B3GALT1: variants seen among roughly 807,000 people sequenced by gnomAD.
The protein encoded by B3GALT1 is UDP-Gal:betaGlcNAc beta 1,3-galactosyltransferase, polypeptide 1.
In B3GALT1, 10 loss-of-function variants were observed where a neutral mutation model predicts 23.2. The ratio of observed to expected loss-of-function variants is 0.43; its 90% CI spans 0.27 to 0.73. B3GALT1 has a LOEUF of 0.73. Ranked by LOEUF, B3GALT1 falls within the 30% of genes least tolerant of loss-of-function variation. B3GALT1 has a pLI of 0.21. For synonymous variants in B3GALT1, 156 were observed against 141.5 expected, an observed-to-expected ratio of 1.10 and a Z score of -0.73; for missense variants, 299 against 405.4, an observed-to-expected ratio of 0.74 and a Z score of 2.25.
intron 3 of B3GALT1, among the ~76,000 whole-genome samples, chr2:167,798,789 A>C (rs542158687): frequency 6.6e-6 from 1 of 152,256 alleles, no homozygotes; most frequent in South Asian, 2.1e-4. Flanking sequence ...TTGCAGGAAC[A>C]TTTTCAAGAG....
intron 2 of B3GALT1, among the ~76,000 whole-genome samples, chr2:167,561,382 C>G (rs1362213184): frequency 6.6e-6 from 1 of 152,028 alleles, no homozygotes; most frequent in Non-Finnish European, 1.5e-5. Context: ...ACCCTAACAT[C>G]ACAATTAAAA....
intron 1 of B3GALT1, among the ~76,000 whole-genome samples, chr2:167,398,102 C>A (rs1235293361): frequency 1.3e-5 from 2 of 152,074 alleles, no homozygotes; most frequent in Admixed American, 1.3e-4. Context: ...ATTCACTGGC[C>A]TATATCTTAT....
At chr2:167,514,056 A>G (rs1288365334) in intron 2 of B3GALT1, among the ~76,000 whole-genome samples, 1 of 152,018 alleles carries the variant, frequency 6.6e-6, no homozygotes, top group East Asian at 1.9e-4. Flanking sequence ...ACAGGCGCCC[A>G]CCACCACGCC....
Position 167,435,983 on chromosome 2 carries a change from G to A in B3GALT1, c.-510-54194G>A, listed in dbSNP as rs200546646. Among the ~76,000 whole-genome samples the A allele has an allele frequency of 7.1e-3, 987 of 139,176 alleles. 11 individuals carry two copies. The highest frequency in any genetic ancestry group is 0.021 in the African/African-American group (795 of 37,408). 91.3% of individuals were successfully genotyped at this position (139,176 alleles called of 152,430 possible). ...CACACACACACACACACACACACACGCACACACACACACGCACTAGTCCAA... is the reference window on the plus strand; with the variant it reads ...CACACACACACACACACACACACACACACACACACACACGCACTAGTCCAA... On this transcript the variant is annotated intron_variant, in intron 1 of 4. Transcript: ENST00000392690.
At chr2:167,441,605 A>G (rs1698894705) in intron 1 of B3GALT1, among the ~76,000 whole-genome samples, 1 of 152,210 alleles carries the variant, frequency 6.6e-6, no homozygotes, top group African/African-American at 2.4e-5. Context: ...TTCCTTAACC[A>G]TTACTATACT....
intron 2 of B3GALT1, among the ~76,000 whole-genome samples, chr2:167,522,738 T>C (rs1406828781): frequency 6.6e-6 from 1 of 152,198 alleles, no homozygotes; most frequent in Non-Finnish European, 1.5e-5. Context: ...GAAGTCCCTA[T>C]CTAACCTTCC....
At chr2:167,706,852 G>A (rs1359847477) in intron 3 of B3GALT1, among the ~76,000 whole-genome samples, 2 of 152,150 alleles carry the variant, frequency 1.3e-5, no homozygotes, top group African/African-American at 4.8e-5. Flanking sequence ...CCTTACCAAG[G>A]GATAAATCTC....
intron 1 of B3GALT1, among the ~76,000 whole-genome samples, chr2:167,442,434 G>C (rs1698909829): frequency 1.3e-5 from 2 of 152,014 alleles, no homozygotes; most frequent in Non-Finnish European, 2.9e-5. Context: ...TCTAGTTCTA[G>C]ATCCCTGAGG....
chr2:167,663,958 T>C (rs1240280130), intron 3 of B3GALT1, among the ~76,000 whole-genome samples: 6 of 151,536 alleles, frequency 4.0e-5, no homozygotes, highest in South Asian at 4.2e-4. Flanking sequence ...AGAAGCTCTT[T>C]AGTTTAATGA....
Position 167,631,769 on chromosome 2 carries a change from C to CTTTCTTTTTT in B3GALT1, c.-409-15137_-409-15136insCTTTTTTTTT, listed in dbSNP as rs1558930674. Among the ~76,000 whole-genome samples the CTTTCTTTTTT allele has an allele frequency of 1.7e-5, 2 of 120,594 alleles. 1 individual carries two copies. Among genetic ancestry groups the CTTTCTTTTTT allele is most frequent in the African/African-American group, 6.3e-5 (2 of 31,716 alleles). The allele number at this position is 120,594 out of a possible 152,430, so 79.1% of individuals were successfully genotyped here. A position where few individuals can be genotyped will look rare whatever the true frequency, so the allele number is the denominator to read the frequency against. On this transcript the variant is annotated intron_variant, in intron 2 of 4. Coordinates refer to ENST00000392690, the MANE Select transcript of B3GALT1 (RefSeq NM_020981.4). ...TCTCACCTACCTCTCCTTTTCTTTTCTTTTTTTTTTTTTTTTTTTACTTAA... is the reference window on the plus strand; with the variant it reads ...TCTCACCTACCTCTCCTTTTCTTTTCTTTCTTTTTTTTTTTTTTTTTTTTTTTTTACTTAA...
intron 2 of B3GALT1, among the ~76,000 whole-genome samples, chr2:167,582,942 G>A (rs1159972083): frequency 1.3e-5 from 2 of 152,128 alleles, no homozygotes; most frequent in African/African-American, 2.4e-5. Flanking sequence ...TGCCATATTG[G>A]CACTGAAAGA....
At chr2:167,491,868 A>G (rs1408463474) in intron 2 of B3GALT1, among the ~76,000 whole-genome samples, 1 of 152,166 alleles carries the variant, frequency 6.6e-6, no homozygotes, top group Non-Finnish European at 1.5e-5. Context: ...GAAAGTACAC[A>G]GAGAGCTTCC....
At chr2:167,488,998 T>A (rs910641192) in intron 1 of B3GALT1, among the ~76,000 whole-genome samples, 1 of 152,012 alleles carries the variant, frequency 6.6e-6, no homozygotes, top group African/African-American at 2.4e-5. Flanking sequence ...ACTTTGTGTC[T>A]CCTTGGAGGA....
At chr2:167,399,291 T>A (rs1698148991) in intron 1 of B3GALT1, among the ~76,000 whole-genome samples, 1 of 152,154 alleles carries the variant, frequency 6.6e-6, no homozygotes, top group African/African-American at 2.4e-5. Context: ...TTAGAATGCA[T>A]GCACTGTGTT....
At chr2:167,789,655 T>A (rs187077002) in intron 3 of B3GALT1, among the ~76,000 whole-genome samples, 5 of 152,058 alleles carry the variant, frequency 3.3e-5, no homozygotes, top group African/African-American at 1.2e-4. Flanking sequence ...CCAATGCCAA[T>A]ACCCAATACC....
chr2:167,524,300 G>A (rs1683187163), intron 2 of B3GALT1, among the ~76,000 whole-genome samples: 1 of 152,012 alleles, frequency 6.6e-6, no homozygotes, highest in Admixed American at 6.6e-5. Context: ...AATATTCTGT[G>A]ACCATTAACC....
intron 1 of B3GALT1, among the ~76,000 whole-genome samples, chr2:167,442,741 ATTTG>A (rs1698915602): frequency 6.8e-6 from 1 of 146,976 alleles, no homozygotes; most frequent in South Asian, 2.2e-4. Context: ...TTTCTTGTAA[ATTTG>A]TTTGAGTTCA....
chr2:167,757,700 T>G (rs1014420506), intron 3 of B3GALT1, among the ~76,000 whole-genome samples: 1 of 152,078 alleles, frequency 6.6e-6, no homozygotes, highest in Non-Finnish European at 1.5e-5. Flanking sequence ...TATATGTATA[T>G]ATATATAAAG....
At chr2:167,651,236 TTGTGTGTGTGTG>T (rs747590317) in intron 3 of B3GALT1, among the ~76,000 whole-genome samples, 1 of 89,314 alleles carries the variant, frequency 1.1e-5, no homozygotes, top group African/African-American at 3.5e-5. Flanking sequence ...AGCAGAAAGG[TTGTGTGTGTGTG>T]TGTGTGTGTG....
Sources: allele counts gnomAD v4.1 joint callset (sites outside exome capture counted in the v4.1 genomes callset), GRCh38; gene constraint gnomAD v4.1.1; transcripts MANE v1.5; gene names NCBI Gene and HGNC (gene_info 2026-07-23, HGNC 2026-07-21).